DAPK1: variants seen among roughly 807,000 people sequenced by gnomAD.
DAPK1 encodes death-associated protein kinase 1.
A neutral mutation model predicts 144.9 loss-of-function variants in DAPK1; 56 were observed. The ratio of observed to expected loss-of-function variants is 0.39; its 90% confidence interval spans 0.31 to 0.48. DAPK1 has a LOEUF of 0.48. DAPK1 is among the 20% of genes least tolerant of loss of function. The pLI is 0.95. For missense variants in DAPK1, 1,454 were observed against 1,875.4 expected (o/e 0.78, Z 4.15); for synonymous variants, 690 against 749.0 (o/e 0.92, Z 1.29).
chr9:87,628,924 C>T (rs1829571219), intron 3 of DAPK1, among the ~76,000 whole-genome samples: 1 of 152,208 alleles, frequency 6.6e-6, no homozygotes, highest in Non-Finnish European at 1.5e-5. Flanking sequence ...ATTATCTTCC[C>T]CTTTCCTTGC....
intron 23 of DAPK1, among the ~76,000 whole-genome samples, chr9:87,699,461 G>T (rs1214194290): frequency 6.6e-6 from 1 of 152,178 alleles, no homozygotes; most frequent in Non-Finnish European, 1.5e-5. Context: ...GACAGGAAAG[G>T]ACAGGACAGG....
chr9:87,632,611 T>G (rs1195222354), intron 3 of DAPK1: 2 of 980,344 alleles, frequency 2.0e-6, no homozygotes, highest in African/African-American at 3.6e-5. Context: ...TATATAGGAA[T>G]GAAGGGTGAT....
chr9:87,541,356 T>C (rs1165667090), intron 2 of DAPK1, among the ~76,000 whole-genome samples: 4 of 152,114 alleles, frequency 2.6e-5, no homozygotes, highest in African/African-American at 9.7e-5. Flanking sequence ...GAGACCAGCC[T>C]CGCCAACATG....
chr9:87,571,475 CAACACACACACACACACA>C (rs1827341730), intron 2 of DAPK1, among the ~76,000 whole-genome samples: 7 of 33,384 alleles, frequency 2.1e-4, no homozygotes, highest in Non-Finnish European at 3.6e-4. Context: ...ACACACACAC[CAACACACACACACACACA>C]CCCCAACACA....
chr9:87,603,098 G>A lies in DAPK1; in HGVS notation c.63-1856G>A, dbSNP rs555338837. 5.9e-4 allele frequency among the ~76,000 whole-genome samples: 90 copies of A among 152,192 alleles called. 1 individual carries two copies. The highest frequency in any genetic ancestry group is 2.1e-3 in the African/African-American group (87 of 41,508). ...TGTCAGCTTGGTTGTTGGTTGGCTGGGCTGGGCTGGGCCTCCCTATCCTGG... is the reference window on the plus strand; with the variant it reads ...TGTCAGCTTGGTTGTTGGTTGGCTGAGCTGGGCTGGGCCTCCCTATCCTGG... On this transcript the variant is annotated intron_variant, in intron 2 of 25. Transcript: ENST00000408954.
chr9:87,568,160 C>T (rs1182653569), intron 2 of DAPK1, among the ~76,000 whole-genome samples: 4 of 152,236 alleles, frequency 2.6e-5, no homozygotes, highest in Non-Finnish European at 4.4e-5. Flanking sequence ...CGGGGAGCTG[C>T]GGGCCTGTGT....
chr9:87,701,455 T>C (rs1048756252), intron 24 of DAPK1, among the ~76,000 whole-genome samples: 6 of 152,172 alleles, frequency 3.9e-5, no homozygotes, highest in African/African-American at 1.2e-4. Context: ...TGTAAAAATT[T>C]TTAAAATTTT....
At position 87,571,486 on chromosome 9, in the gene DAPK1, CACACACACCCCA is replaced by C. The variant is rs1564000969; in HGVS notation, c.63-33459_63-33448del. ...ACACACACACACACCAACACACACA[CACACACACCCCA>C]ACACACACACACACACACACACACA... On this transcript the variant is annotated intron_variant, in intron 2 of 25. Transcript: ENST00000408954. 8.3e-4 allele frequency among the ~76,000 whole-genome samples: 47 copies of C among 56,940 alleles called. 2 individuals carry two copies. The highest frequency in any genetic ancestry group is 4.1e-3 in the East Asian group (5 of 1,218). 37.4% of individuals were successfully genotyped at this position (56,940 alleles called of 152,430 possible).
chr9:87,624,225 T>TAG (rs1383398117), intron 3 of DAPK1, among the ~76,000 whole-genome samples: 1 of 152,180 alleles, frequency 6.6e-6, no homozygotes, highest in Non-Finnish European at 1.5e-5. Context: ...ATGCTGCAGA[T>TAG]CACTCAGAGG....
At chr9:87,543,359 T>C (rs547928769) in intron 2 of DAPK1, among the ~76,000 whole-genome samples, 1 of 152,240 alleles carries the variant, frequency 6.6e-6, no homozygotes, top group Non-Finnish European at 1.5e-5. Flanking sequence ...CACTTACAAA[T>C]GAACACTTTT....
chr9:87,552,861 A>C (rs1159144937), intron 2 of DAPK1, among the ~76,000 whole-genome samples: 4 of 151,914 alleles, frequency 2.6e-5, no homozygotes, highest in Admixed American at 2.6e-4. Context: ...CAGCTTCCCG[A>C]AGTGTCAGGA....
At chr9:87,587,594 C>T (rs539072305) in intron 2 of DAPK1, among the ~76,000 whole-genome samples, 5 of 152,334 alleles carry the variant, frequency 3.3e-5, no homozygotes, top group East Asian at 1.9e-4. Flanking sequence ...GAAAGACATC[C>T]GAATAATGTT....
chr9:87,684,247 C>T (rs1254901519), intron 20 of DAPK1, among the ~76,000 whole-genome samples: 4 of 152,190 alleles, frequency 2.6e-5, no homozygotes, highest in African/African-American at 4.8e-5. Flanking sequence ...GAGGAACTGC[C>T]GCTCCTGAGC....
chr9:87,579,580 C>T (rs1338660069), intron 2 of DAPK1, among the ~76,000 whole-genome samples: 1 of 152,098 alleles, frequency 6.6e-6, no homozygotes, highest in African/African-American at 2.4e-5. Flanking sequence ...AGCAGAGGCA[C>T]CCAGAACTGA....
intron 2 of DAPK1, among the ~76,000 whole-genome samples, chr9:87,551,658 C>T (rs1437300484): frequency 6.6e-6 from 1 of 152,158 alleles, no homozygotes; most frequent in Non-Finnish European, 1.5e-5. Context: ...CCATTATGGG[C>T]CCATGGTGGG....
chr9:87,532,648 A>C (rs1825735710), intron 2 of DAPK1, among the ~76,000 whole-genome samples: 1 of 152,202 alleles, frequency 6.6e-6, no homozygotes, highest in Non-Finnish European at 1.5e-5. Flanking sequence ...CAATGAAAGA[A>C]ATGTGTAAAC....
intron 2 of DAPK1, among the ~76,000 whole-genome samples, chr9:87,550,079 G>C (rs1031242162): frequency 6.6e-6 from 1 of 152,168 alleles, no homozygotes; most frequent in African/African-American, 2.4e-5. Context: ...GTCCTTTGAT[G>C]AGGTTTGACA....
At chr9:87,691,940 G>A (rs1019076709) in intron 21 of DAPK1, among the ~76,000 whole-genome samples, 10 of 152,068 alleles carry the variant, frequency 6.6e-5, no homozygotes, top group African/African-American at 2.4e-4. Flanking sequence ...GTGCTGATGA[G>A]AAAATGCGTA....
intron 3 of DAPK1, among the ~76,000 whole-genome samples, chr9:87,636,738 A>G (rs1587795505): frequency 1.3e-5 from 2 of 152,230 alleles, no homozygotes; most frequent in Admixed American, 1.3e-4. Context: ...CTCTTGCCCT[A>G]AGAGAGATAA....
Sources: allele counts gnomAD v4.1 joint callset (sites outside exome capture counted in the v4.1 genomes callset), GRCh38; gene constraint gnomAD v4.1.1; transcripts MANE v1.5; gene names NCBI Gene and HGNC (gene_info 2026-07-23, HGNC 2026-07-21).